The following CPPED1 variants were observed in gnomAD, a reference collection of about 807,000 sequenced individuals.
CPPED1 encodes the protein calcineurin like phosphoesterase domain containing 1, also known as serine/threonine-protein phosphatase CPPED1.
Under a neutral mutation model 28.0 loss-of-function variants are expected in CPPED1, and 28 were observed. That is an observed-to-expected ratio of 1.00 (90% confidence interval 0.74 to 1.37). The LOEUF (loss-of-function observed/expected upper bound fraction) is 1.37. Among genes scored for constraint, CPPED1 ranks in the 40% most tolerant of loss-of-function variants. The pLI is 0.00. For synonymous variants in CPPED1, 198 were observed against 180.2 expected (o/e 1.10, Z -0.79); for missense variants, 504 against 416.5 (o/e 1.21, Z -1.83).
chr16:12,793,490 C>G (rs965532122), intron 1 of CPPED1, among the ~76,000 whole-genome samples: 9 of 152,186 alleles, frequency 5.9e-5, no homozygotes, highest in African/African-American at 9.7e-5. Context: ...CATTTCTACC[C>G]TTTACCAGCT....
intron 2 of CPPED1, among the ~76,000 whole-genome samples, chr16:12,766,352 C>T (rs2080439451): frequency 6.6e-6 from 1 of 151,408 alleles, no homozygotes; most frequent in South Asian, 2.1e-4. Context: ...CTGATAAAGA[C>T]ATACCTCAGA....
rs988708795 is a variant in CPPED1, at chr16:12,732,171, TCAGA to T, written c.290-27126_290-27123del. Among the ~76,000 whole-genome samples the T allele has an allele frequency of 2.1e-4, 32 of 150,760 alleles. No homozygotes were observed. In the East Asian group the frequency reaches 4.7e-3, roughly 22 times the overall value. On this transcript the variant is annotated intron_variant, in intron 2 of 3. Transcript: ENST00000381774. ...CAAAAAAAAAAAATCATTAGCATTCTCAGACAGAGAAGATACTGCATTAATCAAC... is the reference window on the plus strand; with the variant it reads ...CAAAAAAAAAAAATCATTAGCATTCTCAGAGAAGATACTGCATTAATCAAC...
chr16:12,673,095 G>A (rs1397622966), intron 3 of CPPED1, among the ~76,000 whole-genome samples: 1 of 152,156 alleles, frequency 6.6e-6, no homozygotes, highest in Non-Finnish European at 1.5e-5. Flanking sequence ...CGTGACAGAT[G>A]CAGCCACTGC....
intron 3 of CPPED1, among the ~76,000 whole-genome samples, chr16:12,685,414 C>T (rs983364725): frequency 1.3e-5 from 2 of 152,202 alleles, no homozygotes; most frequent in Non-Finnish European, 2.9e-5. Context: ...CATGCCACTG[C>T]ACTCCAGCCT....
Position 12,664,483 on chromosome 16 carries a change from G to T in CPPED1, c.*403C>A. 2 of 1,044,766 alleles carry T rather than the reference G, an allele frequency of 1.9e-6. No homozygotes were observed. Among genetic ancestry groups the T allele is most frequent in the Non-Finnish European group, 2.3e-6 (2 of 868,300 alleles). The allele number at this position is 1,044,766 out of a possible 1,614,324, so 64.7% of individuals were successfully genotyped here. The stretch of plus-strand genomic sequence containing the variant: ...TGACCACAATTTAATACAATCAGGT[G>T]TAGTTTGTTTAAGGAATTATCAAAG... On this transcript the variant is annotated 3_prime_UTR_variant, in exon 4 of 4. Coordinates refer to ENST00000381774, the MANE Select transcript of CPPED1 (RefSeq NM_018340.3). The surrounding 1 kb of genome is among the most constrained non-coding windows in gnomAD (Gnocchi z 4.2).
rs182787645 is a variant in CPPED1, at chr16:12,660,234, A to C, written c.*4652T>G. ...AGAGGCACAGTGGCTCACTCATTCTAAGTGTGCTGCAAAGCCCCTTTAGTG... is the reference window on the plus strand; with the variant it reads ...AGAGGCACAGTGGCTCACTCATTCTCAGTGTGCTGCAAAGCCCCTTTAGTG... On this transcript the variant is annotated 3_prime_UTR_variant, in exon 4 of 4. Transcript: ENST00000381774. 1.3e-5 allele frequency: 2 copies of C among 152,314 alleles called. No homozygotes were observed. The highest frequency in any genetic ancestry group is 1.3e-4 in the Admixed American group (2 of 15,296). 9.4% of individuals were successfully genotyped at this position (152,314 alleles called of 1,614,324 possible). A position where few individuals can be genotyped will look rare whatever the true frequency, so the allele number is the denominator to read the frequency against.
chr16:12,741,231 A>G (rs576507889), intron 2 of CPPED1, among the ~76,000 whole-genome samples: 1 of 152,278 alleles, frequency 6.6e-6, no homozygotes, highest in South Asian at 2.1e-4. Flanking sequence ...GGCACCAGAG[A>G]CACTCAGAAT....
chr16:12,709,150 A>T lies in CPPED1; in HGVS notation c.290-4101T>A, dbSNP rs867874234. ...CTCACCAGCATCATGAACAGAAAAA[A>T]CAGAAACCTGCCCAAGGACACAGAG... is the stretch of plus-strand genomic sequence containing the variant. On this transcript the variant is annotated intron_variant, in intron 2 of 3. Coordinates refer to ENST00000381774, the MANE Select transcript of CPPED1 (RefSeq NM_018340.3). This position sits in a 1 kb window ranked among gnomAD's most constrained non-coding sequence, Gnocchi z 4.4. 6.6e-6 allele frequency among the ~76,000 whole-genome samples: 1 copy of T among 152,292 alleles called. No individual in the cohort carries two copies. The highest frequency in any genetic ancestry group is 1.5e-5 in the Non-Finnish European group (1 of 68,020).
chr16:12,691,554 G>C (rs1487771310), intron 3 of CPPED1, among the ~76,000 whole-genome samples: 1 of 152,040 alleles, frequency 6.6e-6, no homozygotes, highest in Non-Finnish European at 1.5e-5. Flanking sequence ...CAAAGACTTG[G>C]AACCAACCCA....
intron 2 of CPPED1, among the ~76,000 whole-genome samples, chr16:12,734,456 T>G (rs769683523): frequency 2.0e-5 from 3 of 152,068 alleles, no homozygotes; most frequent in Non-Finnish European, 4.4e-5. Context: ...CTCAGCTCAC[T>G]GCAAGCTCCG....
At chr16:12,708,089 G>T (rs2080060948) in intron 2 of CPPED1, among the ~76,000 whole-genome samples, 1 of 152,186 alleles carries the variant, frequency 6.6e-6, no homozygotes, top group Admixed American at 6.5e-5. Flanking sequence ...AGAGGTTGCA[G>T]TGAGCTGAGA....
intron 2 of CPPED1, among the ~76,000 whole-genome samples, chr16:12,775,246 A>G (rs12596184): frequency 0.017 from 2,630 of 152,288 alleles, 62 homozygotes; most frequent in East Asian, 0.11. Context: ...CAGCTGATGT[A>G]GCCCCTTGAC....
chr16:12,766,468 A>G (rs2080440243), intron 2 of CPPED1, among the ~76,000 whole-genome samples: 1 of 152,004 alleles, frequency 6.6e-6, no homozygotes, highest in Non-Finnish European at 1.5e-5. Context: ...AAGATGCAAA[A>G]GCAGAAACCC....
chr16:12,740,602 T>G (rs772777386), intron 2 of CPPED1, among the ~76,000 whole-genome samples: 36 of 152,176 alleles, frequency 2.4e-4, no homozygotes, highest in African/African-American at 7.9e-4. Context: ...AATGTCAAAT[T>G]AGAATATATT....
chr16:12,783,439 C>T (rs2080544249), intron 1 of CPPED1, among the ~76,000 whole-genome samples: 1 of 152,064 alleles, frequency 6.6e-6, no homozygotes, highest in Admixed American at 6.6e-5. Flanking sequence ...GCGGAAACTA[C>T]AGTGAGCCGA....
chr16:12,766,256 T>TATATATATATATATATATATATATATAG, intron 2 of CPPED1, among the ~76,000 whole-genome samples: 7 of 134,278 alleles, frequency 5.2e-5, no homozygotes, highest in African/African-American at 2.4e-4. Context: ...TATATATATA[T>TATATATATATATATATATATATATATAG]AGAGAGAGAG....
intron 1 of CPPED1, among the ~76,000 whole-genome samples, chr16:12,787,104 C>A (rs1489980502): frequency 6.6e-6 from 1 of 152,046 alleles, no homozygotes; most frequent in Non-Finnish European, 1.5e-5. Flanking sequence ...TTTTTCTTCC[C>A]AAATTGACTT....
At chr16:12,691,842 T>G (rs2079964991) in intron 3 of CPPED1, among the ~76,000 whole-genome samples, 2 of 142,228 alleles carry the variant, frequency 1.4e-5, no homozygotes, top group African/African-American at 2.8e-5. Context: ...AGGGATAGCA[T>G]TAGGAGACAT....
intron 2 of CPPED1, among the ~76,000 whole-genome samples, chr16:12,773,127 A>G (rs563726763): frequency 1.3e-5 from 2 of 152,298 alleles, no homozygotes; most frequent in South Asian, 4.1e-4. Context: ...GACCCAAACG[A>G]AAGAAGCCAT....
Sources: gnomAD v4.1 joint callset for allele counts (sites outside exome capture counted in the v4.1 genomes callset) on GRCh38, gnomAD v4.1.1 for gene constraint, Gnocchi (gnomAD v3.1) non-coding constraint, MANE v1.5 for transcripts, NCBI Gene and HGNC (gene_info 2026-07-23, HGNC 2026-07-21) for gene names.